Variants in MYO5B observed in about 807,000 individuals in gnomAD.
MYO5B encodes the protein myosin VB.
Under a neutral mutation model 229.3 loss-of-function variants are expected in MYO5B, and 143 were observed. The observed-to-expected ratio is 0.62, with a 90% CI of 0.54 to 0.72. MYO5B has a LOEUF of 0.72. Ranked by LOEUF, MYO5B falls within the 30% of genes least tolerant of loss-of-function variation. The probability of loss-of-function intolerance (pLI) is 0.00; values close to 1 mark genes in which losing one functional copy is unlikely to be tolerated. For missense variants in MYO5B, 2,321 were observed against 2,331.0 expected, an observed-to-expected ratio of 1.00 and a Z score of 0.09; for synonymous variants, 918 against 885.2, an observed-to-expected ratio of 1.04 and a Z score of -0.66.
intron 1 of MYO5B, among the ~76,000 whole-genome samples, chr18:50,146,110 T>C (rs1243434378): frequency 6.6e-6 from 1 of 152,248 alleles, no homozygotes; most frequent in Admixed American, 6.5e-5. Flanking sequence ...TTATAGTCTG[T>C]AGTATTTTGC....
intron 25 of MYO5B, among the ~76,000 whole-genome samples, chr18:49,876,620 G>A (rs942600419): frequency 6.6e-6 from 1 of 152,200 alleles, no homozygotes; most frequent in Non-Finnish European, 1.5e-5. Flanking sequence ...TGATGACAAT[G>A]CTTATGTCTA....
At chr18:50,164,565 A>C (rs866748960) in intron 1 of MYO5B, among the ~76,000 whole-genome samples, 2 of 131,892 alleles carry the variant, frequency 1.5e-5, no homozygotes, top group Non-Finnish European at 3.2e-5. Flanking sequence ...AATCCATTTA[A>C]TTAAAAAGAA....
chr18:50,062,160 CA>C (rs1374197417), intron 1 of MYO5B, among the ~76,000 whole-genome samples: 9 of 147,314 alleles, frequency 6.1e-5, no homozygotes, highest in Admixed American at 6.0e-4. Flanking sequence ...TTTGTAATTA[CA>C]CATGAAAAAA....
intron 17 of MYO5B, among the ~76,000 whole-genome samples, chr18:49,923,071 G>GT (rs1322517305): frequency 2.0e-5 from 3 of 152,204 alleles, no homozygotes; most frequent in East Asian, 3.8e-4. Context: ...AACTAGGGGA[G>GT]TAAGCAGTAG....
chr18:49,910,281 C>T (rs1461279016), intron 18 of MYO5B, among the ~76,000 whole-genome samples: 1 of 152,110 alleles, frequency 6.6e-6, no homozygotes, highest in African/African-American at 2.4e-5. Flanking sequence ...CTCCAGAGTT[C>T]CCTCTTTGGG....
At chr18:49,940,855 T>G (rs2025305898) in intron 14 of MYO5B, among the ~76,000 whole-genome samples, 2 of 152,238 alleles carry the variant, frequency 1.3e-5, no homozygotes, top group African/African-American at 4.8e-5. Context: ...TGCCTAATGT[T>G]TAAAACAGCA....
At chr18:49,928,524 G>A (rs556079549) in intron 17 of MYO5B, among the ~76,000 whole-genome samples, 1 of 152,172 alleles carries the variant, frequency 6.6e-6, no homozygotes, top group South Asian at 2.1e-4. Flanking sequence ...CACACCTGTA[G>A]TCCCAGCTAC....
chr18:50,141,830 C>T (rs1423655615), intron 1 of MYO5B, among the ~76,000 whole-genome samples: 1 of 152,194 alleles, frequency 6.6e-6, no homozygotes, highest in Admixed American at 6.5e-5. Flanking sequence ...AGCCTGCCTC[C>T]TGGAGCTGAA....
chr18:50,030,656 C>A (rs1598965589), intron 4 of MYO5B, among the ~76,000 whole-genome samples: 1 of 152,138 alleles, frequency 6.6e-6, no homozygotes, highest in Admixed American at 6.5e-5. Context: ...TCCAGGCTGG[C>A]TCCCACTCTA....
At chr18:50,054,644 T>C (rs2030494725) in intron 2 of MYO5B, among the ~76,000 whole-genome samples, 1 of 152,140 alleles carries the variant, frequency 6.6e-6, no homozygotes, top group East Asian at 1.9e-4. Flanking sequence ...ATTTCATAGT[T>C]ACTACCTTGT....
chr18:49,843,223 T>G lies in MYO5B; in HGVS notation c.4611+18A>C. 1.9e-6 allele frequency: 3 copies of G among 1,613,314 alleles called. No homozygotes were observed. The highest frequency in any genetic ancestry group is 2.5e-6 in the Non-Finnish European group (3 of 1,179,996). ...CTCTACCCACCACAAACCATGACCT[T>G]CTGCAGGGGCTGCTTACTTTCAGGA... On this transcript the variant is annotated intron_variant, in intron 34 of 39. Coordinates refer to ENST00000285039, the MANE Select transcript of MYO5B (RefSeq NM_001080467.3).
Position 50,036,877 on chromosome 18 carries a change from G to C in MYO5B, c.428C>G (p.Ala143Gly). 6.2e-7 allele frequency: 1 copy of C among 1,614,074 alleles called. No individual in the cohort carries two copies. Among genetic ancestry groups the C allele is most frequent in the Non-Finnish European group, 8.5e-7 (1 of 1,180,024 alleles). Residue 143 changes from alanine (A) to glycine (G), a missense_variant, in exon 4 of 40, where the codon GCA (alanine) becomes GGA (glycine). Ala to Gly is a moderately conservative substitution (Grantham distance 60). Transcript: ENST00000285039. ...GDMDPHIFAV[A>G]EEAYKQMARD... ...GGCCATCTGCTTGTAGGCTTCTTCT[G>C]CCACAGCAAAGATGTGGGGGTCCAT...
chr18:49,826,248 C>T lies in MYO5B; in HGVS notation c.*223G>A, dbSNP rs2144011382. ...GTATATGTGTTGGACTGAAATCAAA[C>T]TTAAAATCTTCCATATTTCAAGTGT... On this transcript the variant is annotated 3_prime_UTR_variant, in exon 40 of 40. Coordinates refer to ENST00000285039, the MANE Select transcript of MYO5B (RefSeq NM_001080467.3). 3.6e-6 allele frequency: 2 copies of T among 559,246 alleles called. No individual in the cohort carries two copies. The highest frequency in any genetic ancestry group is 4.0e-5 in the South Asian group (2 of 50,298). The allele number at this position is 559,246 out of a possible 1,614,324, so 34.6% of individuals were successfully genotyped here.
chr18:49,861,759 G>A (rs368103061), intron 29 of MYO5B, among the ~76,000 whole-genome samples: 2 of 152,140 alleles, frequency 1.3e-5, no homozygotes, highest in South Asian at 2.1e-4. Context: ...CCGGGCCTCA[G>A]TCTCCTTCTC....
intron 16 of MYO5B, among the ~76,000 whole-genome samples, chr18:49,934,731 G>C (rs2025230604): frequency 6.6e-6 from 1 of 152,218 alleles, no homozygotes; most frequent in Admixed American, 6.5e-5. Flanking sequence ...TGGAGGAAGG[G>C]AAGAGCAAGC....
At chr18:49,977,977 T>C (rs116571109) in intron 9 of MYO5B, among the ~76,000 whole-genome samples, 2,823 of 152,332 alleles carry the variant, frequency 0.019, 80 homozygotes, top group African/African-American at 0.065. Context: ...GATATGAACC[T>C]TGGCCATCTC....
intron 1 of MYO5B, among the ~76,000 whole-genome samples, chr18:50,087,211 T>G (rs999305663): frequency 6.6e-6 from 1 of 152,184 alleles, no homozygotes; most frequent in African/African-American, 2.4e-5. Flanking sequence ...CTCTAAAGAT[T>G]GCCTGTTTAC....
intron 18 of MYO5B, among the ~76,000 whole-genome samples, chr18:49,908,386 A>C (rs900101650): frequency 6.6e-6 from 1 of 152,214 alleles, no homozygotes; most frequent in African/African-American, 2.4e-5. Flanking sequence ...CAAGAGTCAG[A>C]CTGCAGGGGC....
chr18:50,021,109 GCA>G (rs1158116756), intron 4 of MYO5B, among the ~76,000 whole-genome samples: 3 of 152,278 alleles, frequency 2.0e-5, no homozygotes, highest in Admixed American at 1.3e-4. Flanking sequence ...GAACATATAT[GCA>G]CACACAAGCA....
Sources: allele counts gnomAD v4.1 joint callset (sites outside exome capture counted in the v4.1 genomes callset), GRCh38; gene constraint gnomAD v4.1.1; transcripts MANE v1.5; gene names NCBI Gene and HGNC (gene_info 2026-07-23, HGNC 2026-07-21).